Variants in GRIN2A observed in about 807,000 individuals in gnomAD.
GRIN2A encodes the protein glutamate ionotropic receptor NMDA type subunit 2A, also known as glutamate receptor ionotropic, NMDA 2A.
In GRIN2A, 22 loss-of-function variants were observed where a neutral mutation model predicts 113.4. That is an observed-to-expected ratio of 0.19 (90% CI 0.14 to 0.28). The LOEUF (loss-of-function observed/expected upper bound fraction) is 0.28, where lower values mean the gene tolerates loss of function less well. Among genes scored for constraint, GRIN2A ranks in the 10% least tolerant of loss-of-function variants. The pLI is 1.00. For missense variants in GRIN2A, 1,502 were observed against 1,887.0 expected (o/e 0.80, Z 3.78); for synonymous variants, 827 against 738.4 (o/e 1.12, Z -1.94).
intron 4 of GRIN2A, among the ~76,000 whole-genome samples, chr16:9,890,131 G>C (rs1186650834): frequency 6.6e-6 from 1 of 152,170 alleles, no homozygotes; most frequent in African/African-American, 2.4e-5. Context: ...GATGTACTAA[G>C]TGAAGATAAA....
chr16:9,764,009 A>G lies in GRIN2A; in HGVS notation c.3535T>C (p.Ser1179Pro), dbSNP rs142670870. The G allele has an allele frequency of 6.2e-7, 1 of 1,614,142 alleles. No homozygotes were observed. The highest frequency in any genetic ancestry group is 8.5e-7 in the Non-Finnish European group (1 of 1,180,030). The change falls in exon 13 of 13, where the codon TCC becomes CCC. Residue 1179 changes from serine (S) to proline (P), a missense_variant. Ser to Pro is a moderately conservative substitution (Grantham distance 74). Transcript: ENST00000330684. ...RNPLHNEEGL[S>P]NNDQYKLYSK... ...TAGAGTTTATACTGGTCGTTGTTGG[A>G]AAGCCCCTCTTCATTATGCAAGGGG... is the stretch of plus-strand genomic sequence containing the variant.
intron 9 of GRIN2A, 112 bp downstream of exon 9, chr16:9,829,311 T>G (rs543712227): frequency 9.8e-6 from 7 of 711,688 alleles, no homozygotes; most frequent in Middle Eastern, 3.9e-4. Context: ...CCTTCTGGCT[T>G]TTGTGCATTC....
In GRIN2A at chr16:9,989,928, C is replaced by T. The variant is rs2046067994; in HGVS notation, c.415-51377G>A. On this transcript the variant is annotated intron_variant, in intron 2 of 12. Coordinates refer to ENST00000330684, the MANE Select transcript of GRIN2A (RefSeq NM_001134407.3). ...AGAGAAAAGGGATATTTATACACTG[C>T]TGGTGGGAATATAAATTAGTTCAGC... Among the ~76,000 whole-genome samples, 3 of 152,126 alleles carry T rather than the reference C, an allele frequency of 2.0e-5. No individual in the cohort carries two copies. The South Asian group carries it at 6.2e-4, about 31-fold the overall frequency.
In GRIN2A at chr16:9,755,731, C is replaced by T. The variant is rs1002322763; in HGVS notation, c.*7418G>A. 1 of 210,310 alleles carries T rather than the reference C, an allele frequency of 4.8e-6. No homozygotes were observed. The allele number at this position is 210,310 out of a possible 1,614,324, so 13.0% of individuals were successfully genotyped here. The stretch of plus-strand genomic sequence containing the variant: ...CTGCAGGATATGTTAAACATTAGGC[C>T]ATTCTGGGTACCTATAAAGCCCGGT... On this transcript the variant is annotated 3_prime_UTR_variant, in exon 13 of 13. Transcript: ENST00000330684.
intron 7 of GRIN2A, among the ~76,000 whole-genome samples, chr16:9,834,840 G>A (rs1360048942): frequency 6.6e-6 from 1 of 152,148 alleles, no homozygotes; most frequent in Admixed American, 6.6e-5. Flanking sequence ...ATAAGAAAGA[G>A]GGAGCAAGTT....
intron 3 of GRIN2A, among the ~76,000 whole-genome samples, chr16:9,909,445 G>C (rs1596571523): frequency 6.6e-6 from 1 of 152,238 alleles, no homozygotes; most frequent in Admixed American, 6.5e-5. Flanking sequence ...GTCACATCCA[G>C]TATGGCAGCC....
intron 2 of GRIN2A, among the ~76,000 whole-genome samples, chr16:10,147,991 A>G (rs532204807): frequency 6.6e-6 from 1 of 152,300 alleles, no homozygotes; most frequent in African/African-American, 2.4e-5. Flanking sequence ...CCAGCATCAG[A>G]CATAATGGAG....
At chr16:10,114,126 C>T (rs931532774) in intron 2 of GRIN2A, among the ~76,000 whole-genome samples, 2 of 152,086 alleles carry the variant, frequency 1.3e-5, no homozygotes, top group Admixed American at 6.5e-5. Flanking sequence ...CTGAGTTCAA[C>T]GCTGCAGTGA....
intron 2 of GRIN2A, chr16:10,121,634 G>A (rs957700283): frequency 1.3e-5 from 2 of 152,114 alleles, no homozygotes; most frequent in Non-Finnish European, 2.9e-5. Context: ...GGCACCGACT[G>A]GGTGCAGCCA....
In GRIN2A at chr16:10,100,547, G is replaced by C. The variant is rs568841984; in HGVS notation, c.414+79451C>G. On this transcript the variant is annotated intron_variant, in intron 2 of 12. Coordinates refer to ENST00000330684, the MANE Select transcript of GRIN2A (RefSeq NM_001134407.3). Reference sequence around the variant, plus strand: ...TCCCAGTGAAATGAGATGGCATGTAGAAAGCACCTGGCACATCCTGATGAT... The same window carrying C: ...TCCCAGTGAAATGAGATGGCATGTACAAAGCACCTGGCACATCCTGATGAT... Among the ~76,000 whole-genome samples, 26 of 152,310 alleles carry C rather than the reference G, an allele frequency of 1.7e-4. No homozygotes were observed. The South Asian group carries it at 5.4e-3, about 32-fold the overall frequency.
intron 2 of GRIN2A, among the ~76,000 whole-genome samples, chr16:10,176,186 G>A (rs1053241946): frequency 3.3e-5 from 5 of 151,650 alleles, no homozygotes; most frequent in African/African-American, 1.2e-4. Context: ...TTGTATTTTT[G>A]TAGAGATGGG....
chr16:9,802,179 A>G (rs1461899425), intron 10 of GRIN2A, among the ~76,000 whole-genome samples: 3 of 152,188 alleles, frequency 2.0e-5, no homozygotes, highest in Non-Finnish European at 1.5e-5. Context: ...AAAGACCTAT[A>G]CTGGGTATAC....
chr16:9,881,567 C>T (rs2043481436), intron 4 of GRIN2A, among the ~76,000 whole-genome samples: 1 of 152,116 alleles, frequency 6.6e-6, no homozygotes, highest in East Asian at 1.9e-4. Flanking sequence ...TCTAGGTAGC[C>T]CAAGGAACTA....
intron 2 of GRIN2A, among the ~76,000 whole-genome samples, chr16:10,094,747 G>A (rs1422551889): frequency 6.6e-6 from 1 of 152,066 alleles, no homozygotes; most frequent in Non-Finnish European, 1.5e-5. Context: ...ACTGTGCCTG[G>A]CCCAGAAAGC....
At chr16:9,879,128 T>G (rs2043428282) in intron 4 of GRIN2A, among the ~76,000 whole-genome samples, 1 of 152,190 alleles carries the variant, frequency 6.6e-6, no homozygotes, top group African/African-American at 2.4e-5. Context: ...TGGCTCAATT[T>G]TCCCTCTCTA....
At chr16:9,965,879 T>G (rs954056990) in intron 2 of GRIN2A, among the ~76,000 whole-genome samples, 1 of 152,214 alleles carries the variant, frequency 6.6e-6, no homozygotes, top group Non-Finnish European at 1.5e-5. Flanking sequence ...AGCAGCAGAA[T>G]GTGTGGCCTC....
chr16:9,897,846 T>C (rs1240399120), intron 3 of GRIN2A, among the ~76,000 whole-genome samples: 1 of 152,188 alleles, frequency 6.6e-6, no homozygotes, highest in African/African-American at 2.4e-5. Context: ...AGGGACCTCA[T>C]CTGCCTTGCT....
chr16:10,055,962 G>C (rs2047450962), intron 2 of GRIN2A, among the ~76,000 whole-genome samples: 1 of 152,128 alleles, frequency 6.6e-6, no homozygotes, highest in Non-Finnish European at 1.5e-5. Context: ...GTTTCACTAA[G>C]CATACTCCAG....
intron 2 of GRIN2A, among the ~76,000 whole-genome samples, chr16:10,122,607 C>A (rs574848794): frequency 7.9e-5 from 12 of 151,866 alleles, no homozygotes; most frequent in African/African-American, 2.7e-4. Flanking sequence ...CCCCACCCCC[C>A]CAAAAAATGG....
Sources: allele counts gnomAD v4.1 joint callset (sites outside exome capture counted in the v4.1 genomes callset), GRCh38; gene constraint gnomAD v4.1.1; transcripts MANE v1.5; gene names NCBI Gene and HGNC (gene_info 2026-07-23, HGNC 2026-07-21).